ZMIZ1: variants seen among roughly 807,000 people sequenced by gnomAD.
ZMIZ1 encodes zinc finger MIZ domain-containing protein 1.
ZMIZ1 carries 17 observed loss-of-function variants against 113.9 expected under a neutral mutation model. The ratio of observed to expected loss-of-function variants is 0.15; its 90% confidence interval spans 0.10 to 0.22. The LOEUF is 0.22. Among genes scored for constraint, ZMIZ1 ranks in the 10% least tolerant of loss-of-function variants. The probability of loss-of-function intolerance (pLI) is 1.00; values close to 1 mark genes in which losing one functional copy is unlikely to be tolerated. For missense variants in ZMIZ1, 1,059 were observed against 1,477.8 expected (o/e 0.72, Z 4.65); for synonymous variants, 607 against 603.1 (o/e 1.01, Z -0.09).
chr10:79,206,077 C>A (rs1301516095), intron 5 of ZMIZ1, among the ~76,000 whole-genome samples: 2 of 150,986 alleles, frequency 1.3e-5, no homozygotes, highest in Non-Finnish European at 2.9e-5. Flanking sequence ...CACTACCCCC[C>A]AGCCTGGGTG....
chr10:79,246,178 A>G (rs891767214), intron 7 of ZMIZ1, among the ~76,000 whole-genome samples: 3 of 152,246 alleles, frequency 2.0e-5, no homozygotes, highest in Admixed American at 6.5e-5. Flanking sequence ...AGAGGGTGGC[A>G]TGAGTCCCAG....
chr10:79,158,985 T>G (rs1472466448), intron 3 of ZMIZ1, among the ~76,000 whole-genome samples: 1 of 152,196 alleles, frequency 6.6e-6, no homozygotes, highest in East Asian at 1.9e-4. Context: ...CGCTGCCCTT[T>G]CTGGCCTCGC....
At chr10:79,133,684 T>C (rs1299821189) in intron 2 of ZMIZ1, among the ~76,000 whole-genome samples, 1 of 152,116 alleles carries the variant, frequency 6.6e-6, no homozygotes, top group Non-Finnish European at 1.5e-5. Context: ...CTCCCCCTTA[T>C]TCCTTGGGCA....
At chr10:79,085,030 T>C (rs1156626187) in intron 1 of ZMIZ1, among the ~76,000 whole-genome samples, 1 of 152,152 alleles carries the variant, frequency 6.6e-6, no homozygotes, top group East Asian at 1.9e-4. Flanking sequence ...TGCCGGACGC[T>C]GCCCGCTCCG....
chr10:79,292,969 G>A (rs1853605778), intron 11 of ZMIZ1: 4 of 443,168 alleles, frequency 9.0e-6, no homozygotes, highest in African/African-American at 4.0e-5. Flanking sequence ...CCAAGGGCAG[G>A]GCCAGGGCTT....
At chr10:79,215,302 C>CTTT (rs57758020) in intron 6 of ZMIZ1, among the ~76,000 whole-genome samples, 6 of 140,126 alleles carry the variant, frequency 4.3e-5, no homozygotes, top group East Asian at 4.1e-4. Flanking sequence ...TAAATCACCG[C>CTTT]TTTTTTTTTT....
intron 7 of ZMIZ1, among the ~76,000 whole-genome samples, chr10:79,259,391 C>G (rs991079522): frequency 3.9e-5 from 6 of 152,064 alleles, no homozygotes; most frequent in African/African-American, 1.4e-4. Flanking sequence ...CTTGAGGAGC[C>G]CAACTCCCCA....
chr10:79,077,685 A>T (rs1222527190), intron 1 of ZMIZ1, among the ~76,000 whole-genome samples: 1 of 152,176 alleles, frequency 6.6e-6, no homozygotes, highest in Non-Finnish European at 1.5e-5. Context: ...TCTGCTCTTT[A>T]TGAGCTCTGT....
chr10:79,294,015 T>C (rs1349052204), intron 12 of ZMIZ1: 4 of 350,368 alleles, frequency 1.1e-5, no homozygotes, highest in Non-Finnish European at 1.6e-5. Flanking sequence ...TAGTTCCTCC[T>C]GCCCACATGA....
intron 4 of ZMIZ1, among the ~76,000 whole-genome samples, chr10:79,176,972 G>C (rs886377474): frequency 6.6e-6 from 1 of 152,242 alleles, no homozygotes; most frequent in Admixed American, 6.5e-5. Flanking sequence ...CGTGTAAACT[G>C]TGCCATGCAC....
At chr10:79,305,692 C>T (rs546354809) in intron 21 of ZMIZ1, 91 bp downstream of exon 21, 3 of 1,333,278 alleles carry the variant, frequency 2.3e-6, no homozygotes, top group Admixed American at 1.7e-5. Flanking sequence ...TGACACAGCC[C>T]TCCCCTCCCA....
chr10:79,175,982 A>G (rs954673886), intron 4 of ZMIZ1, among the ~76,000 whole-genome samples: 22 of 151,984 alleles, frequency 1.4e-4, no homozygotes, highest in African/African-American at 3.9e-4. Flanking sequence ...ACAAGGGATT[A>G]TTTTCCCTGA....
chr10:79,088,423 G>A (rs545395392), intron 1 of ZMIZ1, among the ~76,000 whole-genome samples: 7 of 152,360 alleles, frequency 4.6e-5, no homozygotes, highest in African/African-American at 1.7e-4. Flanking sequence ...TTGCCATGGT[G>A]CTGGGGGAGG....
At chr10:79,297,194 G>C (rs1254574872) in intron 13 of ZMIZ1, among the ~76,000 whole-genome samples, 1 of 152,194 alleles carries the variant, frequency 6.6e-6, no homozygotes, top group African/African-American at 2.4e-5. Context: ...GGTTGCTTCT[G>C]ATTTTTCACT....
At chr10:79,135,016 C>T (rs1265755744) in intron 2 of ZMIZ1, among the ~76,000 whole-genome samples, 1 of 152,168 alleles carries the variant, frequency 6.6e-6, no homozygotes, top group Non-Finnish European at 1.5e-5. Flanking sequence ...AGTGGTTTCA[C>T]CAGGTTGGTC....
At chr10:79,076,260 T>C (rs1842471994) in intron 1 of ZMIZ1, among the ~76,000 whole-genome samples, 2 of 152,124 alleles carry the variant, frequency 1.3e-5, no homozygotes, top group Non-Finnish European at 1.5e-5. Flanking sequence ...TCATGAAACA[T>C]GTATTGAGTG....
intron 8 of ZMIZ1, among the ~76,000 whole-genome samples, chr10:79,278,185 T>G (rs1451807129): frequency 1.3e-5 from 2 of 152,200 alleles, no homozygotes; most frequent in Non-Finnish European, 2.9e-5. Flanking sequence ...GGAAAGGACC[T>G]TAGTGCTCAT....
At chr10:79,198,056 G>A (rs1168141322) in intron 4 of ZMIZ1, among the ~76,000 whole-genome samples, 2 of 152,072 alleles carry the variant, frequency 1.3e-5, no homozygotes, top group African/African-American at 2.4e-5. Context: ...TCAAGAGATC[G>A]AGACCATCCT....
chr10:79,273,416 C>T (rs1174694089), intron 7 of ZMIZ1, among the ~76,000 whole-genome samples: 1 of 152,136 alleles, frequency 6.6e-6, no homozygotes, highest in Non-Finnish European at 1.5e-5. Flanking sequence ...GGCTGGAGGG[C>T]AGTGACGCGA....
Sources: gnomAD v4.1 joint callset for allele counts (sites outside exome capture counted in the v4.1 genomes callset) on GRCh38, gnomAD v4.1.1 for gene constraint, MANE v1.5 for transcripts, NCBI Gene and HGNC (gene_info 2026-07-23, HGNC 2026-07-21) for gene names.